Variants in SGPP2 observed in about 807,000 individuals in gnomAD.
SGPP2 encodes sphingosine-1-phosphate phosphatase 2, also known as sphingosine 1-phosphate phosphohydrolase 2.
Under a neutral mutation model 33.9 loss-of-function variants are expected in SGPP2, and 30 were observed. The observed-to-expected ratio is 0.89, with a 90% CI of 0.66 to 1.20. The LOEUF is 1.20. SGPP2 is among the 50% of genes most tolerant of loss of function. The pLI, the probability that SGPP2 is intolerant of heterozygous loss-of-function variation, is 0.00. For synonymous variants in SGPP2, 233 were observed against 225.0 expected, an observed-to-expected ratio of 1.04 and a Z score of -0.32; for missense variants, 458 against 532.1, an observed-to-expected ratio of 0.86 and a Z score of 1.37.
chr2:222,552,751 T>G (rs976102168), intron 4 of SGPP2, among the ~76,000 whole-genome samples: 5 of 152,048 alleles, frequency 3.3e-5, no homozygotes, highest in Admixed American at 1.3e-4. Flanking sequence ...TCCCAGCTAC[T>G]CAGGAGGCTG....
chr2:222,552,791 C>T (rs1689317774), intron 4 of SGPP2, among the ~76,000 whole-genome samples: 1 of 152,132 alleles, frequency 6.6e-6, no homozygotes, highest in Admixed American at 6.5e-5. Flanking sequence ...ACCCGGGAGG[C>T]AGAGGTTGTG....
chr2:222,501,512 G>A (rs1698365390), intron 2 of SGPP2, among the ~76,000 whole-genome samples: 1 of 152,138 alleles, frequency 6.6e-6, no homozygotes, highest in Admixed American at 6.5e-5. Flanking sequence ...AAATGTGTAA[G>A]GAGAGTGGGC....
chr2:222,549,192 T>C (rs1292417943), intron 4 of SGPP2, among the ~76,000 whole-genome samples: 1 of 152,250 alleles, frequency 6.6e-6, no homozygotes, highest in Non-Finnish European at 1.5e-5. Context: ...ATAAATAGTT[T>C]CAAGATCTGA....
chr2:222,499,998 G>A (rs1464111048), intron 2 of SGPP2, among the ~76,000 whole-genome samples: 2 of 152,178 alleles, frequency 1.3e-5, no homozygotes, highest in African/African-American at 4.8e-5. Context: ...GCAGAAGGGT[G>A]TTACCAGCAG....
intron 4 of SGPP2, among the ~76,000 whole-genome samples, chr2:222,544,811 A>C: frequency 6.6e-6 from 1 of 152,194 alleles, no homozygotes; most frequent in East Asian, 1.9e-4. Flanking sequence ...AAAGAAAGTT[A>C]CAGAACAGCT....
chr2:222,430,199 T>G (rs1054963854), intron 1 of SGPP2, among the ~76,000 whole-genome samples: 2 of 151,446 alleles, frequency 1.3e-5, no homozygotes, highest in Non-Finnish European at 2.9e-5. Flanking sequence ...GCTTAAAGAG[T>G]GGGTAGGAAT....
intron 2 of SGPP2, among the ~76,000 whole-genome samples, chr2:222,511,027 T>C (rs1698519139): frequency 1.3e-5 from 2 of 152,220 alleles, no homozygotes; most frequent in Admixed American, 6.5e-5. Context: ...TTAGGTGTTA[T>C]TTATGCTAGT....
At chr2:222,428,777 A>G (rs2106053999) in intron 1 of SGPP2, among the ~76,000 whole-genome samples, 1 of 141,454 alleles carries the variant, frequency 7.1e-6, no homozygotes, top group South Asian at 2.2e-4. Context: ...GAAAAAAAAC[A>G]TGGTTTTCTT....
In SGPP2 at chr2:222,424,773, G is replaced by A; in HGVS notation, c.171G>A (p.Lys57=). Residue 57 remains lysine, a synonymous_variant, in exon 1 of 5, where the codon AAG becomes AAA. Transcript: ENST00000321276. ...AGCATCTCCCCGCAGCCAACGGCAA[G>A]GGCGGCGAGGCTCCGGCCAACGGGC... is the stretch of plus-strand genomic sequence containing the variant. ...GVEHLPAANG[K]GGEAPANGLR... The A allele has an allele frequency of 7.1e-7, 1 of 1,400,308 alleles. No individual in the cohort carries two copies. Among genetic ancestry groups the A allele is most frequent in the Non-Finnish European group, 9.3e-7 (1 of 1,078,718 alleles). 86.7% of individuals were successfully genotyped at this position (1,400,308 alleles called of 1,614,324 possible).
At chr2:222,463,971 G>A (rs1428314872) in intron 1 of SGPP2, among the ~76,000 whole-genome samples, 3 of 39,764 alleles carry the variant, frequency 7.5e-5, no homozygotes, top group Admixed American at 1.8e-4. Context: ...AATCCTGTAC[G>A]TGTGTTGGGG....
chr2:222,477,670 CA>C lies in SGPP2; in HGVS notation c.378+2945del, dbSNP rs768675115. On this transcript the variant is annotated intron_variant, in intron 2 of 4. Transcript: ENST00000321276. The surrounding 1 kb of genome is among the most constrained non-coding windows in gnomAD (Gnocchi z 6.0). ...GGCAGATGATGAGAAGTACATTACA[CA>C]GGAATATCTTATAATGTGTTTGATC... Among the ~76,000 whole-genome samples, 1 of 151,986 alleles carries C rather than the reference CA, an allele frequency of 6.6e-6. No homozygotes were observed. Among genetic ancestry groups the C allele is most frequent in the Non-Finnish European group, 1.5e-5 (1 of 67,954 alleles).
At chr2:222,534,649 C>T (rs781700874) in intron 4 of SGPP2, among the ~76,000 whole-genome samples, 9 of 152,098 alleles carry the variant, frequency 5.9e-5, no homozygotes, top group Non-Finnish European at 1.3e-4. Flanking sequence ...GAAAAAAAGC[C>T]GATGGCAATA....
chr2:222,510,585 G>A (rs1178971994), intron 2 of SGPP2, among the ~76,000 whole-genome samples: 2 of 152,156 alleles, frequency 1.3e-5, no homozygotes, highest in African/African-American at 4.8e-5. Flanking sequence ...GGCTATGAGT[G>A]TAGCCAAGGG....
intron 1 of SGPP2, among the ~76,000 whole-genome samples, chr2:222,440,437 G>T (rs1296054920): frequency 1.3e-5 from 2 of 151,970 alleles, no homozygotes; most frequent in East Asian, 3.9e-4. Context: ...CTGCCTCCGG[G>T]GTTCAAGAGA....
At chr2:222,513,529 C>T (rs986778512) in intron 2 of SGPP2, among the ~76,000 whole-genome samples, 3 of 152,186 alleles carry the variant, frequency 2.0e-5, no homozygotes, top group Non-Finnish European at 4.4e-5. Flanking sequence ...GATATCCCCA[C>T]ATTCGAATCC....
At chr2:222,468,327 C>A (rs1697782719) in intron 1 of SGPP2, among the ~76,000 whole-genome samples, 1 of 151,478 alleles carries the variant, frequency 6.6e-6, no homozygotes, top group South Asian at 2.1e-4. Context: ...AATCTTATAT[C>A]ATTTTATATA....
intron 4 of SGPP2, among the ~76,000 whole-genome samples, chr2:222,530,952 C>A (rs1411732889): frequency 6.6e-6 from 1 of 152,096 alleles, no homozygotes; most frequent in Non-Finnish European, 1.5e-5. Flanking sequence ...GAGGTTTGCT[C>A]GAGCCCAGGA....
chr2:222,561,186 G>A lies in SGPP2; in HGVS notation c.*2288G>A, dbSNP rs1181120438. Among the ~76,000 whole-genome samples, 1 of 151,900 alleles carries A rather than the reference G, an allele frequency of 6.6e-6. No homozygotes were observed. The highest frequency in any genetic ancestry group is 2.4e-5 in the African/African-American group (1 of 41,422). ...ATATTTATTATAGTTAGAAGGCAAAGATCAAGATGACCTGCCGTTTGACTG... is the reference window on the plus strand; with the variant it reads ...ATATTTATTATAGTTAGAAGGCAAAAATCAAGATGACCTGCCGTTTGACTG... On this transcript the variant is annotated 3_prime_UTR_variant, in exon 5 of 5. Coordinates refer to ENST00000321276, the MANE Select transcript of SGPP2 (RefSeq NM_152386.4).
chr2:222,527,534 G>A lies in SGPP2; in HGVS notation c.648+2501G>A, dbSNP rs113011045. ...TTTGAATATGCAGCTATGGTTGAGA[G>A]CCATTATAAAAGACATTCCCTAGAG... On this transcript the variant is annotated intron_variant, in intron 4 of 4. Transcript: ENST00000321276. 2.9e-3 allele frequency among the ~76,000 whole-genome samples: 445 copies of A among 151,688 alleles called. 3 individuals carry two copies. The highest frequency in any genetic ancestry group is 9.6e-3 in the African/African-American group (399 of 41,470).
Sources: allele counts gnomAD v4.1 joint callset (sites outside exome capture counted in the v4.1 genomes callset), GRCh38; gene constraint gnomAD v4.1.1; non-coding constraint Gnocchi (gnomAD v3.1); transcripts MANE v1.5; gene names NCBI Gene and HGNC (gene_info 2026-07-23, HGNC 2026-07-21).